The following MYOM2 variants were observed in gnomAD, a reference collection of about 807,000 sequenced individuals.
MYOM2 encodes the protein myomesin-2.
Under a neutral mutation model 187.6 loss-of-function variants are expected in MYOM2, and 254 were observed. The ratio of observed to expected loss-of-function variants is 1.35; its 90% confidence interval spans 1.22 to 1.50. MYOM2 has a LOEUF of 1.50. Ranked by LOEUF, MYOM2 falls within the 40% of genes most tolerant of loss-of-function variation. The pLI is 0.00. For synonymous variants in MYOM2, 981 were observed against 753.8 expected, an observed-to-expected ratio of 1.30 and a Z score of -4.94; for missense variants, 2,796 against 1,924.0, an observed-to-expected ratio of 1.45 and a Z score of -8.48.
chr8:2,134,758 G>A (rs1225876042), intron 32 of MYOM2, among the ~76,000 whole-genome samples: 1 of 152,180 alleles, frequency 6.6e-6, no homozygotes, highest in South Asian at 2.1e-4. Flanking sequence ...TCCGGTTGTC[G>A]CCTGCTTTTT....
Position 2,142,389 on chromosome 8 carries a change from C to T in MYOM2, c.4016C>T (p.Ala1339Val), listed in dbSNP as rs765770054. The T allele has an allele frequency of 1.9e-6, 3 of 1,613,640 alleles. No individual in the cohort carries two copies. In the African/African-American group the frequency reaches 4.0e-5, roughly 22 times the overall value. Residue 1339 changes from alanine (A) to valine (V), a missense_variant, in exon 35 of 37, where the codon GCA becomes GTA. By Grantham distance (64) the Ala-to-Val change is moderately conservative. Transcript: ENST00000262113. ...EFQQFKAAAF[A>V]EKNRGRLIGG... ...TTAACTTTTAGAGCTGCTGCTTTTGCAGAGAAGAGTAAGTACCTGTTGGAT... is the reference window on the plus strand; with the variant it reads ...TTAACTTTTAGAGCTGCTGCTTTTGTAGAGAAGAGTAAGTACCTGTTGGAT...
chr8:2,081,259 T>C (rs13260759), intron 13 of MYOM2, among the ~76,000 whole-genome samples: 4 of 67,386 alleles, frequency 5.9e-5, no homozygotes, highest in African/African-American at 6.3e-5. Flanking sequence ...CCAGCCCGTG[T>C]AGAATGAGGT....
chr8:2,062,192 G>A (rs1241118331), intron 6 of MYOM2, among the ~76,000 whole-genome samples: 1 of 152,228 alleles, frequency 6.6e-6, no homozygotes, highest in Admixed American at 6.5e-5. Flanking sequence ...TGGCCCTGCA[G>A]ATCACGGGGA....
rs112085719 is a variant in MYOM2 at position 2,060,089 on chromosome 8, C to G, written c.653+844C>G. 3.3e-5 allele frequency among the ~76,000 whole-genome samples: 5 copies of G among 152,182 alleles called. No individual in the cohort carries two copies. The South Asian group carries it at 1.0e-3, about 31-fold the overall frequency. The stretch of plus-strand genomic sequence containing the variant: ...AAAGTGAGACACTGCTGTTCTTTTT[C>G]TGTTTCTGTGCATACACGGTTTTTA... On this transcript the variant is annotated intron_variant, in intron 6 of 36. Coordinates refer to ENST00000262113, the MANE Select transcript of MYOM2 (RefSeq NM_003970.4).
At position 2,093,885 on chromosome 8, in the gene MYOM2, G is replaced by T. The variant is rs1011838866; in HGVS notation, c.2004-85G>T. ...ATGTTATCCATAAAAATTTTTTATG[G>T]CGCGTTCAGGGTGATTTTTGCTTCT... On this transcript the variant is annotated intron_variant, in intron 16 of 36. Coordinates refer to ENST00000262113, the MANE Select transcript of MYOM2 (RefSeq NM_003970.4). 6 of 1,531,018 alleles carry T rather than the reference G, an allele frequency of 3.9e-6. No individual in the cohort carries two copies. The South Asian group carries it at 7.4e-5, about 19-fold the overall frequency. The allele number at this position is 1,531,018 out of a possible 1,614,324, so 94.8% of individuals were successfully genotyped here.
At chr8:2,109,740 C>G (rs1203881485) in intron 25 of MYOM2, among the ~76,000 whole-genome samples, 1 of 152,158 alleles carries the variant, frequency 6.6e-6, no homozygotes, top group Non-Finnish European at 1.5e-5. Flanking sequence ...CATCAGGAGT[C>G]TTTAAAATCT....
intron 6 of MYOM2, among the ~76,000 whole-genome samples, chr8:2,060,417 G>A (rs1585831993): frequency 6.6e-6 from 1 of 152,092 alleles, no homozygotes; most frequent in South Asian, 2.1e-4. Context: ...GTTTATATAT[G>A]TTTATATATA....
intron 4 of MYOM2, 41 bp from the exon 5 acceptor site, chr8:2,057,582 T>C: frequency 6.2e-7 from 1 of 1,613,086 alleles, no homozygotes; most frequent in Non-Finnish European, 8.5e-7. Flanking sequence ...GGAGCTTGGC[T>C]CGCTGCCTGG....
At chr8:2,048,856 C>T (rs569336974) in intron 1 of MYOM2, among the ~76,000 whole-genome samples, 4 of 150,884 alleles carry the variant, frequency 2.7e-5, no homozygotes, top group African/African-American at 2.4e-5. Context: ...GTGGCGCGAT[C>T]TCGGCTCACT....
chr8:2,100,076 CCTTT>C (rs1251465230), intron 19 of MYOM2, among the ~76,000 whole-genome samples: 4 of 88,748 alleles, frequency 4.5e-5, no homozygotes, highest in African/African-American at 1.1e-4. Flanking sequence ...TTCTTTCCTT[CCTTT>C]CTTCTTTCCT....
At chr8:2,065,414 C>A (rs1563424017) in intron 6 of MYOM2, among the ~76,000 whole-genome samples, 2 of 152,016 alleles carry the variant, frequency 1.3e-5, no homozygotes, top group African/African-American at 4.8e-5. Context: ...ACTAAAAATA[C>A]AAAAAATTAG....
Position 2,145,053 on chromosome 8 carries a change from T to C in MYOM2, c.*72T>C. ...AGGAATGCTGTGTGCTTGTTCCAAA[T>C]GAGCAGCTGGCATCCGAGTGGTGTC... On this transcript the variant is annotated 3_prime_UTR_variant, in exon 37 of 37. Transcript: ENST00000262113. The C allele has an allele frequency of 2.6e-6, 4 of 1,530,228 alleles. No homozygotes were observed. The highest frequency in any genetic ancestry group is 3.6e-6 in the Non-Finnish European group (4 of 1,124,720). 94.8% of individuals were successfully genotyped at this position (1,530,228 alleles called of 1,614,324 possible).
At chr8:2,080,455 A>G (rs879546943) in intron 13 of MYOM2, among the ~76,000 whole-genome samples, 4 of 152,224 alleles carry the variant, frequency 2.6e-5, no homozygotes, top group African/African-American at 2.4e-5. Flanking sequence ...GTATGTCCCT[A>G]TGTTTCCCAT....
At chr8:2,090,256 C>G in intron 15 of MYOM2, 65 bp downstream of exon 15, 3 of 1,468,758 alleles carry the variant, frequency 2.0e-6, no homozygotes. Flanking sequence ...ACCAAATAGC[C>G]TTAAATTGTG....
intron 10 of MYOM2, among the ~76,000 whole-genome samples, chr8:2,074,915 C>A (rs1339072417): frequency 6.6e-6 from 1 of 152,354 alleles, no homozygotes. Flanking sequence ...GCTGCTGCTG[C>A]TCTCCGGGTC....
chr8:2,136,697 TG>T (rs1435699639), intron 32 of MYOM2, among the ~76,000 whole-genome samples: 2 of 152,190 alleles, frequency 1.3e-5, no homozygotes, highest in Admixed American at 1.3e-4. Flanking sequence ...AGGAGGCCGG[TG>T]GGACACATTT....
chr8:2,115,815 A>C lies in MYOM2; in HGVS notation c.3181-145A>C, dbSNP rs993472946. On this transcript the variant is annotated intron_variant, in intron 25 of 36. Coordinates refer to ENST00000262113, the MANE Select transcript of MYOM2 (RefSeq NM_003970.4). ...CACTGTTTGATCCTTGTTCACCCAG[A>C]GGTTTCCTTGATAAAATTTCATTTT... is the stretch of plus-strand genomic sequence containing the variant. 129 of 837,230 alleles carry C rather than the reference A, an allele frequency of 1.5e-4. 4 individuals are homozygous for C. Among genetic ancestry groups the C allele is most frequent in the Middle Eastern group, 6.4e-4 (2 of 3,142 alleles). 51.9% of individuals were successfully genotyped at this position (837,230 alleles called of 1,614,324 possible).
chr8:2,072,330 A>G lies in MYOM2; in HGVS notation c.794-15A>G, dbSNP rs368752515. 1.6e-4 allele frequency: 265 copies of G among 1,606,792 alleles called. No homozygotes were observed. In the African/African-American group the frequency reaches 3.0e-3, roughly 18 times the overall value. On this transcript the variant is annotated splice_polypyrimidine_tract_variant and intron_variant, in intron 8 of 36. Transcript: ENST00000262113. The stretch of plus-strand genomic sequence containing the variant: ...CTGCCCTTCGGCCCTGAAAGCCTCC[A>G]TCGTTTCTGTGCAGTGCCCCTGTCA...
Position 2,079,592 on chromosome 8 carries a change from A to G in MYOM2, c.1495A>G (p.Ile499Val), listed in dbSNP as rs774740203. The G allele has an allele frequency of 1.2e-6, 2 of 1,613,994 alleles. No individual in the cohort carries two copies. The highest frequency in any genetic ancestry group is 1.7e-5 in the Admixed American group (1 of 60,004). ...TTTGGAGGGAGAGAAGGAGATTGCC[A>G]TTTATCAGGATGACCTTGAAGGTAA... ...VHLEGEKEIA[I>V]YQDDLEGDAQ... Residue 499 changes from isoleucine to valine, a missense_variant, in exon 13 of 37, where the codon ATT becomes GTT. Physicochemically the swap from Ile to Val is conservative, Grantham distance 29. Coordinates refer to ENST00000262113, the MANE Select transcript of MYOM2 (RefSeq NM_003970.4).
Sources: gnomAD v4.1 joint callset for allele counts (sites outside exome capture counted in the v4.1 genomes callset) on GRCh38, gnomAD v4.1.1 for gene constraint, MANE v1.5 for transcripts, NCBI Gene and HGNC (gene_info 2026-07-23, HGNC 2026-07-21) for gene names.